PTPRE: variants seen among roughly 807,000 people sequenced by gnomAD.
PTPRE encodes the protein protein tyrosine phosphatase receptor type E, also known as receptor-type tyrosine-protein phosphatase epsilon.
A neutral mutation model predicts 102.0 loss-of-function variants in PTPRE; 51 were observed. That is an observed-to-expected ratio of 0.50 (90% CI 0.40 to 0.63). PTPRE has a LOEUF of 0.63. Among genes scored for constraint, PTPRE ranks in the 30% least tolerant of loss-of-function variants. The pLI, the probability that PTPRE is intolerant of heterozygous loss-of-function variation, is 0.00. For synonymous variants in PTPRE, 345 were observed against 348.2 expected (o/e 0.99, Z 0.10); for missense variants, 752 against 915.1 (o/e 0.82, Z 2.30).
chr10:127,960,185 T>C (rs1211404889), intron 1 of PTPRE, among the ~76,000 whole-genome samples: 3 of 152,136 alleles, frequency 2.0e-5, no homozygotes, highest in South Asian at 2.1e-4. Context: ...TGCTGAATGA[T>C]CAGATGGTGG....
chr10:128,009,963 T>C (rs1218918784), intron 2 of PTPRE, among the ~76,000 whole-genome samples: 2 of 152,224 alleles, frequency 1.3e-5, no homozygotes, highest in Non-Finnish European at 2.9e-5. Context: ...ATAATTGCAC[T>C]GAGCAATGAC....
At chr10:128,011,794 G>A (rs1014972348) in intron 2 of PTPRE, among the ~76,000 whole-genome samples, 1 of 152,216 alleles carries the variant, frequency 6.6e-6, no homozygotes, top group African/African-American at 2.4e-5. Context: ...CTCAGCAACT[G>A]TGGGTGCCTC....
Position 128,063,093 on chromosome 10 carries a change from G to C in PTPRE, c.636G>C (p.Gln212His). The C allele has an allele frequency of 6.2e-7, 1 of 1,614,218 alleles. No individual in the cohort carries two copies. The highest frequency in any genetic ancestry group is 1.1e-5 in the South Asian group (1 of 91,078). ...GTCCTCTACACACAGGTCCCAAACA[G>C]GAAACGGTTAACGACTTCTGGAGAA... ...NKFIAAQGPK[Q>H]ETVNDFWRMV... Residue 212 changes from glutamine to histidine, a missense_variant, in exon 10 of 21, where the codon CAG (glutamine) becomes CAC (histidine). By Grantham distance (24) the Gln-to-His change is conservative. Around this residue, in one of 2 missense-constraint regions of PTPRE, gnomAD observed 636 missense variants for 824.4 expected, o/e 0.77. Transcript: ENST00000254667.
At chr10:128,074,495 G>A (rs938527956) in intron 17 of PTPRE, among the ~76,000 whole-genome samples, 5 of 152,146 alleles carry the variant, frequency 3.3e-5, no homozygotes, top group Non-Finnish European at 5.9e-5. Context: ...GCAAAACCCC[G>A]CTTCTACTAA....
At chr10:127,979,746 C>A (rs141953837) in intron 1 of PTPRE, among the ~76,000 whole-genome samples, 18 of 152,314 alleles carry the variant, frequency 1.2e-4, no homozygotes, top group African/African-American at 4.3e-4. Context: ...GTCAATCGTG[C>A]AACCATTGGC....
At chr10:128,071,243 C>A in intron 15 of PTPRE, 1 of 347,242 alleles carries the variant, frequency 2.9e-6, no homozygotes, top group Non-Finnish European at 5.4e-6. Flanking sequence ...TTGTCTCATT[C>A]CTTGTCTCCC....
chr10:127,920,624 G>T (rs1264549133), intron 1 of PTPRE, among the ~76,000 whole-genome samples: 2 of 152,198 alleles, frequency 1.3e-5, no homozygotes, highest in African/African-American at 4.8e-5. Flanking sequence ...GTCTCTCCAG[G>T]ACGTTTCAGT....
At chr10:128,000,054 T>A (rs1274227325) in intron 2 of PTPRE, 2 of 803,058 alleles carry the variant, frequency 2.5e-6, no homozygotes, top group Non-Finnish European at 3.0e-6. Flanking sequence ...AAAAATGCAT[T>A]TTCCATGAGT....
rs1416873292 is a variant in PTPRE at position 127,927,648 on chromosome 10, T to G, written c.-31+20339T>G. 3.3e-5 allele frequency among the ~76,000 whole-genome samples: 5 copies of G among 152,284 alleles called. No homozygotes were observed. The South Asian group carries it at 6.2e-4, about 19-fold the overall frequency. ...GGAGCCTTCTGGAGGGGGTGCTGCCTGGGAATTGGGGCAGCTAGTTTTGTG... is the reference window on the plus strand; with the variant it reads ...GGAGCCTTCTGGAGGGGGTGCTGCCGGGGAATTGGGGCAGCTAGTTTTGTG... On this transcript the variant is annotated intron_variant, in intron 1 of 20. Transcript: ENST00000254667.
rs551149385 is a variant in PTPRE, at chr10:128,069,740, G to A, written c.1056G>A (p.Met352Ile). The change falls in exon 13 of 21, where the codon ATG becomes ATA. Residue 352 changes from methionine (M) to isoleucine (I), a missense_variant. Coordinates refer to ENST00000254667, the MANE Select transcript of PTPRE (RefSeq NM_006504.6). The stretch of plus-strand genomic sequence containing the variant: ...CCTTCATTGTGATCGATGCCATGAT[G>A]GCCATGATGCACGCGGAGCAGAAGG... ...TGTFIVIDAM[M>I]AMMHAEQKVD... 5.0e-6 allele frequency: 8 copies of A among 1,614,202 alleles called. No homozygotes were observed. In the Admixed American group the frequency reaches 5.0e-5, roughly 10 times the overall value.
At chr10:127,934,515 G>T (rs1473062833) in intron 1 of PTPRE, 5 of 152,198 alleles carry the variant, frequency 3.3e-5, no homozygotes, top group Non-Finnish European at 7.3e-5. Flanking sequence ...TTCCCAGAAT[G>T]CCGCACTCAT....
chr10:128,062,313 G>A (rs1197138859), intron 9 of PTPRE, among the ~76,000 whole-genome samples: 14 of 152,174 alleles, frequency 9.2e-5, no homozygotes, highest in Non-Finnish European at 2.9e-5. Flanking sequence ...AATCACCTGG[G>A]AAGTTGTTAC....
intron 2 of PTPRE, among the ~76,000 whole-genome samples, chr10:128,021,398 C>A (rs1180710409): frequency 2.0e-5 from 3 of 152,224 alleles, no homozygotes; most frequent in Admixed American, 2.0e-4. Context: ...AACCGCCCCC[C>A]TCCCCGTGTT....
intron 1 of PTPRE, among the ~76,000 whole-genome samples, chr10:127,976,148 A>G (rs996289196): frequency 6.6e-6 from 1 of 152,142 alleles, no homozygotes; most frequent in Non-Finnish European, 1.5e-5. Flanking sequence ...AGATTTTTTT[A>G]AAAAACATGA....
intron 1 of PTPRE, among the ~76,000 whole-genome samples, chr10:127,930,494 G>A (rs752287784): frequency 2.6e-4 from 39 of 152,304 alleles, no homozygotes; most frequent in African/African-American, 6.3e-4. Flanking sequence ...TGCATGTAGC[G>A]CAGTTTGTTT....
chr10:127,989,538 C>G (rs1207965405), intron 2 of PTPRE, among the ~76,000 whole-genome samples: 2 of 152,174 alleles, frequency 1.3e-5, no homozygotes, highest in Admixed American at 1.3e-4. Context: ...AGTTGTAGGA[C>G]AGTGGAAAGG....
At chr10:128,081,583 C>T (rs1416510354) in intron 20 of PTPRE, among the ~76,000 whole-genome samples, 2 of 152,128 alleles carry the variant, frequency 1.3e-5, no homozygotes, top group East Asian at 3.9e-4. Context: ...GTCAATGTTG[C>T]TTTAAGTTGG....
intron 1 of PTPRE, among the ~76,000 whole-genome samples, chr10:127,932,080 T>G (rs536658247): frequency 3.3e-5 from 5 of 152,238 alleles, no homozygotes; most frequent in Non-Finnish European, 7.3e-5. Context: ...ATATTAATTT[T>G]ATTTTGCAGT....
chr10:128,071,754 C>A (rs1006767236), intron 15 of PTPRE: 2 of 193,882 alleles, frequency 1.0e-5, no homozygotes, highest in Non-Finnish European at 2.1e-5. Context: ...GAGTAGAGCT[C>A]CCCGGGGTGC....
Sources: allele counts gnomAD v4.1 joint callset (sites outside exome capture counted in the v4.1 genomes callset), GRCh38; gene constraint gnomAD v4.1.1; regional missense constraint gnomAD v4.1.1; transcripts MANE v1.5; gene names NCBI Gene and HGNC (gene_info 2026-07-23, HGNC 2026-07-21).